Variants in NHSL2 observed in about 807,000 individuals in gnomAD.
NHSL2 encodes the protein NHS like 2.
Under a neutral mutation model 53.4 loss-of-function variants are expected in NHSL2, and 27 were observed. The observed-to-expected ratio is 0.51, with a 90% CI of 0.37 to 0.70. NHSL2 has a LOEUF of 0.70. Ranked by LOEUF, NHSL2 falls within the 30% of genes least tolerant of loss-of-function variation. The pLI is 0.00. For synonymous variants in NHSL2, 408 were observed against 404.1 expected (o/e 1.01, Z -0.12); for missense variants, 892 against 980.1 (o/e 0.91, Z 1.20).
chrX:72,089,410 G>A (rs2041877552), intron 1 of NHSL2, among the ~76,000 whole-genome samples: 1 of 111,557 alleles, frequency 9.0e-6, no homozygotes, highest in Non-Finnish European at 1.9e-5. Context: ...AGTCCCTGGG[G>A]TACTCACTCG....
In NHSL2 at chrX:71,975,665, C is replaced by T. The variant is rs151003156; in HGVS notation, c.280+64298C>T. On this transcript the variant is annotated intron_variant, in intron 1 of 7. Transcript: ENST00000633930. Reference sequence around the variant, plus strand: ...TTTATAGTGATGGTACTTTTTTTCTCTCCCAAACTAGCTCCTTCCTCATCA... The same window carrying T: ...TTTATAGTGATGGTACTTTTTTTCTTTCCCAAACTAGCTCCTTCCTCATCA... 7.4e-3 allele frequency among the ~76,000 whole-genome samples: 817 copies of T among 110,742 alleles called. 3 individuals are homozygous for T. Among genetic ancestry groups the T allele is most frequent in the Middle Eastern group, 0.06 (13 of 217 alleles).
In NHSL2 at chrX:71,966,552, G is replaced by A. The variant is rs539639493; in HGVS notation, c.280+55185G>A. Among the ~76,000 whole-genome samples, 5 of 111,780 alleles carry A rather than the reference G, an allele frequency of 4.5e-5. No individual in the cohort carries two copies. In the South Asian group the frequency reaches 1.1e-3, roughly 25 times the overall value. The stretch of plus-strand genomic sequence containing the variant: ...TTTTTCTGCATCTATAGATACAATC[G>A]CTATTTTTCTTTACTAGCCTATTGA... On this transcript the variant is annotated intron_variant, in intron 1 of 7. Coordinates refer to ENST00000633930, the MANE Select transcript of NHSL2 (RefSeq NM_001013627.3).
chrX:71,967,110 T>G (rs1287225822), intron 1 of NHSL2, among the ~76,000 whole-genome samples: 1 of 111,876 alleles, frequency 8.9e-6, no homozygotes, highest in Non-Finnish European at 1.9e-5. Flanking sequence ...TATTATTCTT[T>G]TGGTGTCCAT....
intron 1 of NHSL2, among the ~76,000 whole-genome samples, chrX:72,091,493 C>T (rs2147445163): frequency 1.8e-5 from 2 of 112,197 alleles, no homozygotes; most frequent in East Asian, 5.6e-4. Flanking sequence ...CCAAACTGCC[C>T]ACCAAAGAAG....
rs780176812 is a variant in NHSL2 at position 72,131,530 on chromosome X, G to A, written c.281-549G>A. Reference sequence around the variant, plus strand: ...GCGGAGGCTGTTGAGATTTCCTGACGCCTCAGACATCTCGACAAGCCCAGG... The same window carrying A: ...GCGGAGGCTGTTGAGATTTCCTGACACCTCAGACATCTCGACAAGCCCAGG... On this transcript the variant is annotated intron_variant, in intron 1 of 7. Coordinates refer to ENST00000633930, the MANE Select transcript of NHSL2 (RefSeq NM_001013627.3). The A allele has an allele frequency of 1.8e-5, 21 of 1,182,412 alleles. No homozygotes were observed. The South Asian group carries it at 3.5e-4, about 19-fold the overall frequency.
At chrX:72,042,075 A>G (rs926544724) in intron 1 of NHSL2, among the ~76,000 whole-genome samples, 4 of 112,281 alleles carry the variant, frequency 3.6e-5, no homozygotes, top group Non-Finnish European at 5.6e-5. Flanking sequence ...GCAGGAATAC[A>G]CTGGCCTACA....
chrX:72,006,104 T>G (rs2042093432), intron 1 of NHSL2, among the ~76,000 whole-genome samples: 1 of 112,079 alleles, frequency 8.9e-6, no homozygotes, highest in African/African-American at 3.3e-5. Context: ...TTCCCATGGT[T>G]AGCACCCTGT....
chrX:72,012,637 C>T (rs754664766), intron 1 of NHSL2, among the ~76,000 whole-genome samples: 1 of 112,628 alleles, frequency 8.9e-6, no homozygotes, highest in South Asian at 3.6e-4. Context: ...CTTAATTATA[C>T]TTGCAAAAGC....
intron 1 of NHSL2, chrX:72,129,772 A>T: frequency 9.2e-7 from 1 of 1,084,731 alleles, no homozygotes; most frequent in South Asian, 2.2e-5. Flanking sequence ...TGGCAGCAAT[A>T]GCAGGGGCGG....
chrX:72,011,646 G>A (rs778455607), intron 1 of NHSL2, among the ~76,000 whole-genome samples: 1 of 110,739 alleles, frequency 9.0e-6, no homozygotes, highest in South Asian at 3.9e-4. Flanking sequence ...CTCCAGCCTG[G>A]ATGACAGAGC....
intron 1 of NHSL2, among the ~76,000 whole-genome samples, chrX:71,953,117 C>T (rs1457284980): frequency 1.8e-5 from 2 of 111,151 alleles, no homozygotes; most frequent in African/African-American, 6.6e-5. Flanking sequence ...TCTCCACTGT[C>T]TAGGAGAAGT....
chrX:71,956,053 G>A (rs758013571), intron 1 of NHSL2, among the ~76,000 whole-genome samples: 16 of 111,408 alleles, frequency 1.4e-4, no homozygotes, highest in Non-Finnish European at 1.9e-4. Flanking sequence ...GTGCATCCAT[G>A]AAACAGGGTG....
chrX:72,140,286 C>A lies in NHSL2; in HGVS notation c.2738C>A (p.Ala913Glu). The change falls in exon 6 of 8, where the codon GCG becomes GAG. Residue 913 changes from alanine to glutamate, a missense_variant. Coordinates refer to ENST00000633930, the MANE Select transcript of NHSL2 (RefSeq NM_001013627.3). The stretch of plus-strand genomic sequence containing the variant: ...CCCCCCAGGAGCTCAATTCAACATG[C>A]GAGACCACTCCCTCAAGACAGCTAC... ...AMPPRSSIQH[A>E]RPLPQDSYTV... The A allele has an allele frequency of 8.3e-7, 1 of 1,210,129 alleles. No homozygotes were observed. The highest frequency in any genetic ancestry group is 1.8e-5 in the South Asian group (1 of 56,682).
rs777445876 is a variant in NHSL2 at position 72,140,346 on chromosome X, C to T, written c.2798C>T (p.Pro933Leu). 1.7e-6 allele frequency: 2 copies of T among 1,211,382 alleles called. No homozygotes were observed. Among genetic ancestry groups the T allele is most frequent in the Non-Finnish European group, 2.2e-6 (2 of 895,148 alleles). Residue 933 changes from proline (P) to leucine (L), a missense_variant, in exon 6 of 8, where the codon CCA becomes CTA. Pro to Leu is a moderately conservative substitution (Grantham distance 98). Transcript: ENST00000633930. ...VVRKPKPSSF[P>L]DGRSPGESTA... Reference sequence around the variant, plus strand: ...CGGAAACCAAAGCCCTCCAGCTTCCCAGATGGCAGAAGCCCAGGGGAGTCA... The same window carrying T: ...CGGAAACCAAAGCCCTCCAGCTTCCTAGATGGCAGAAGCCCAGGGGAGTCA...
intron 1 of NHSL2, among the ~76,000 whole-genome samples, chrX:71,990,431 G>C (rs143715769): frequency 9.0e-6 from 1 of 110,974 alleles, no homozygotes; most frequent in Non-Finnish European, 1.9e-5. Context: ...CTCTGTTGGC[G>C]ATCCAGCCAT....
At chrX:72,023,563 A>G (rs769739847) in intron 1 of NHSL2, among the ~76,000 whole-genome samples, 1 of 112,341 alleles carries the variant, frequency 8.9e-6, no homozygotes, top group Non-Finnish European at 1.9e-5. Flanking sequence ...CTCAAATTCC[A>G]TGACCCTTTG....
intron 1 of NHSL2, among the ~76,000 whole-genome samples, chrX:72,083,496 T>G (rs1455467430): frequency 8.9e-6 from 1 of 112,369 alleles, no homozygotes; most frequent in Admixed American, 9.4e-5. Flanking sequence ...AATCTTCTTT[T>G]GTAACAAAGC....
intron 1 of NHSL2, among the ~76,000 whole-genome samples, chrX:71,981,505 C>G (rs1406201156): frequency 2.6e-4 from 25 of 95,169 alleles, no homozygotes; most frequent in African/African-American, 1.0e-3. Context: ...CCACTGCACT[C>G]CAACCTGGGC....
At chrX:71,961,755 G>A (rs2147849708) in intron 1 of NHSL2, among the ~76,000 whole-genome samples, 1 of 111,473 alleles carries the variant, frequency 9.0e-6, no homozygotes, top group East Asian at 2.8e-4. Flanking sequence ...TACAACCTCC[G>A]CCTCCTGAGT....
Sources: allele counts gnomAD v4.1 joint callset (sites outside exome capture counted in the v4.1 genomes callset), GRCh38; gene constraint gnomAD v4.1.1; transcripts MANE v1.5; gene names NCBI Gene and HGNC (gene_info 2026-07-23, HGNC 2026-07-21).